CDIN1: variants seen among roughly 807,000 people sequenced by gnomAD.
The protein encoded by CDIN1 is CDAN1-interacting nuclease 1.
In CDIN1, 33 loss-of-function variants were observed where a neutral mutation model predicts 45.3. The observed-to-expected ratio is 0.73, with a 90% CI of 0.55 to 0.97. The LOEUF (loss-of-function observed/expected upper bound fraction) is 0.97. Among genes scored for constraint, CDIN1 ranks in the 50% least tolerant of loss-of-function variants. The pLI, the probability that CDIN1 is intolerant of heterozygous loss-of-function variation, is 0.00. For missense variants in CDIN1, 303 were observed against 339.4 expected (o/e 0.89, Z 0.84); for synonymous variants, 118 against 124.4 (o/e 0.95, Z 0.34).
intron 10 of CDIN1, among the ~76,000 whole-genome samples, chr15:36,801,950 G>A (rs1483002557): frequency 1.5e-5 from 2 of 129,650 alleles, no homozygotes; most frequent in African/African-American, 5.8e-5. Context: ...TGTGTAGATA[G>A]GTGGATCCCA....
intron 10 of CDIN1, among the ~76,000 whole-genome samples, chr15:36,801,309 C>T (rs752148380): frequency 1.3e-5 from 2 of 151,746 alleles, no homozygotes; most frequent in Non-Finnish European, 2.9e-5. Flanking sequence ...CACCTTTCAC[C>T]GTCTTATTAC....
intron 1 of CDIN1, among the ~76,000 whole-genome samples, chr15:36,640,074 G>C (rs1263141650): frequency 6.6e-6 from 1 of 152,090 alleles, no homozygotes; most frequent in Non-Finnish European, 1.5e-5. Context: ...ATTTCCCAGT[G>C]TATCAGTAAT....
chr15:36,678,125 G>T (rs189816481), intron 5 of CDIN1, among the ~76,000 whole-genome samples: 244 of 152,310 alleles, frequency 1.6e-3, no homozygotes, highest in African/African-American at 5.7e-3. Context: ...AATGTTAAAA[G>T]ATATTTCTTA....
chr15:36,630,375 G>A (rs11858179), intron 1 of CDIN1, among the ~76,000 whole-genome samples: 12,355 of 152,222 alleles, frequency 0.081, 656 homozygotes, highest in Middle Eastern at 0.13. Context: ...TTAACTCTTA[G>A]ATTTGCAGAA....
At chr15:36,617,195 C>T (rs928655083) in intron 1 of CDIN1, 2 of 863,700 alleles carry the variant, frequency 2.3e-6, no homozygotes, top group Non-Finnish European at 4.0e-6. Context: ...ACCCCAGTAA[C>T]TCATAGAACT....
chr15:36,624,375 T>C (rs2039327476), intron 1 of CDIN1, among the ~76,000 whole-genome samples: 1 of 152,240 alleles, frequency 6.6e-6, no homozygotes. Flanking sequence ...ATTTTGTGTT[T>C]ATTAAGAGAA....
At chr15:36,758,793 A>G (rs1021189438) in intron 10 of CDIN1, among the ~76,000 whole-genome samples, 3 of 152,284 alleles carry the variant, frequency 2.0e-5, no homozygotes, top group African/African-American at 2.4e-5. Context: ...CATGTGGAGA[A>G]AGATTCCTTT....
chr15:36,738,593 G>A (rs1176562474), intron 10 of CDIN1, among the ~76,000 whole-genome samples: 1 of 152,094 alleles, frequency 6.6e-6, no homozygotes. Context: ...TGTCAAGTAC[G>A]TTGCTGCCCC....
At chr15:36,644,828 A>C (rs910213351) in intron 2 of CDIN1, among the ~76,000 whole-genome samples, 26 of 152,306 alleles carry the variant, frequency 1.7e-4, no homozygotes, top group African/African-American at 6.0e-4. Flanking sequence ...TAAAAATGGC[A>C]ATTGGATTGT....
At chr15:36,742,229 C>T (rs556815575) in intron 10 of CDIN1, among the ~76,000 whole-genome samples, 28 of 152,146 alleles carry the variant, frequency 1.8e-4, no homozygotes, top group Middle Eastern at 3.4e-3. Flanking sequence ...CCCAACTAGA[C>T]AAGACCAGCT....
chr15:36,638,053 T>G (rs1040519624), intron 1 of CDIN1, among the ~76,000 whole-genome samples: 1 of 152,186 alleles, frequency 6.6e-6, no homozygotes, highest in South Asian at 2.1e-4. Flanking sequence ...AAAAATATTC[T>G]TTGGGCTGTG....
At chr15:36,693,385 C>A (rs912132598) in intron 7 of CDIN1, among the ~76,000 whole-genome samples, 1 of 152,242 alleles carries the variant, frequency 6.6e-6, no homozygotes, top group Non-Finnish European at 1.5e-5. Context: ...TGAAATTGTA[C>A]TTCTATATTC....
At chr15:36,704,267 G>A (rs2042783695) in intron 8 of CDIN1, 1 of 152,072 alleles carries the variant, frequency 6.6e-6, no homozygotes, top group Non-Finnish European at 1.5e-5. Flanking sequence ...GGTCAGAGCA[G>A]TCAGTTGTAT....
At chr15:36,738,507 C>T (rs1020809760) in intron 10 of CDIN1, among the ~76,000 whole-genome samples, 7 of 152,104 alleles carry the variant, frequency 4.6e-5, no homozygotes, top group Admixed American at 1.3e-4. Flanking sequence ...ATTGTTCTGA[C>T]CTCATCTCCT....
chr15:36,666,188 T>C (rs1455954238), intron 5 of CDIN1, among the ~76,000 whole-genome samples: 1 of 152,208 alleles, frequency 6.6e-6, no homozygotes, highest in African/African-American at 2.4e-5. Context: ...AATTTTTGCC[T>C]GAGCCTATCA....
intron 10 of CDIN1, among the ~76,000 whole-genome samples, chr15:36,774,614 T>C (rs2054173798): frequency 1.3e-5 from 2 of 152,214 alleles, no homozygotes; most frequent in African/African-American, 2.4e-5. Context: ...CTCTTTTTCT[T>C]CTGAATCTGA....
At position 36,635,608 on chromosome 15, in the gene CDIN1, A is replaced by G. The variant is rs553874840; in HGVS notation, c.102-8670A>G. ...ATGAGAGATACTCAGTTGCATAAGGACACATGACAACAAGAATGAGAGCCA... is the reference window on the plus strand; with the variant it reads ...ATGAGAGATACTCAGTTGCATAAGGGCACATGACAACAAGAATGAGAGCCA... On this transcript the variant is annotated intron_variant, in intron 1 of 10. Transcript: ENST00000566621. 2.3e-4 allele frequency among the ~76,000 whole-genome samples: 35 copies of G among 152,268 alleles called. 1 individual carries two copies. The highest frequency in any genetic ancestry group is 4.7e-4 in the Non-Finnish European group (32 of 68,016).
chr15:36,767,352 G>A (rs779860913), intron 10 of CDIN1, among the ~76,000 whole-genome samples: 23 of 152,166 alleles, frequency 1.5e-4, no homozygotes, highest in Non-Finnish European at 2.8e-4. Flanking sequence ...AGCATAACAA[G>A]GACCAGGAGT....
At chr15:36,732,726 C>CA (rs2043875808) in intron 10 of CDIN1, among the ~76,000 whole-genome samples, 3 of 151,326 alleles carry the variant, frequency 2.0e-5, no homozygotes, top group Admixed American at 6.6e-5. Flanking sequence ...AAATTGTTTG[C>CA]AAAAAATAAA....
Sources: allele counts gnomAD v4.1 joint callset (sites outside exome capture counted in the v4.1 genomes callset), GRCh38; gene constraint gnomAD v4.1.1; transcripts MANE v1.5; gene names NCBI Gene and HGNC (gene_info 2026-07-23, HGNC 2026-07-21).